Variants in CACNA2D3 observed in about 807,000 individuals in gnomAD.
The protein encoded by CACNA2D3 is voltage-dependent calcium channel subunit alpha-2/delta-3.
In CACNA2D3, 60 loss-of-function variants were observed where a neutral mutation model predicts 160.6. That is an observed-to-expected ratio of 0.37 (90% CI 0.30 to 0.46). The LOEUF (loss-of-function observed/expected upper bound fraction) is 0.46. CACNA2D3 is among the 20% of genes least tolerant of loss of function. The probability of loss-of-function intolerance (pLI) is 1.00; values close to 1 mark genes in which losing one functional copy is unlikely to be tolerated. For synonymous variants in CACNA2D3, 558 were observed against 492.9 expected (o/e 1.13, Z -1.75); for missense variants, 1,205 against 1,365.0 (o/e 0.88, Z 1.85).
intron 2 of CACNA2D3, among the ~76,000 whole-genome samples, chr3:54,234,818 A>G (rs1701843946): frequency 6.6e-6 from 1 of 152,156 alleles, no homozygotes; most frequent in African/African-American, 2.4e-5. Context: ...TGAGAACTTA[A>G]TAACACAAAG....
intron 25 of CACNA2D3, among the ~76,000 whole-genome samples, chr3:54,895,072 T>C (rs1362667698): frequency 6.6e-6 from 1 of 152,184 alleles, no homozygotes; most frequent in Non-Finnish European, 1.5e-5. Flanking sequence ...CAAGCAGCTA[T>C]GCTATGTCAG....
chr3:54,594,691 GAT>G (rs1341358174), intron 9 of CACNA2D3, among the ~76,000 whole-genome samples: 1 of 152,186 alleles, frequency 6.6e-6, no homozygotes, highest in Non-Finnish European at 1.5e-5. Context: ...TGTAAATAGA[GAT>G]AGAGATAAGA....
intron 12 of CACNA2D3, among the ~76,000 whole-genome samples, chr3:54,763,627 C>CTGTG (rs35183007): frequency 3.8e-4 from 52 of 135,452 alleles, no homozygotes; most frequent in East Asian, 1.1e-3. Context: ...TAAACATATA[C>CTGTG]TGTGTGTGTG....
At chr3:54,858,516 C>A (rs942271099) in intron 17 of CACNA2D3, among the ~76,000 whole-genome samples, 22 of 152,184 alleles carry the variant, frequency 1.4e-4, no homozygotes, top group African/African-American at 5.1e-4. Context: ...CAATAGCAGG[C>A]AGAACAGCTT....
intron 9 of CACNA2D3, among the ~76,000 whole-genome samples, chr3:54,602,497 C>CAAAA (rs1156290031): frequency 2.4e-4 from 17 of 71,164 alleles, no homozygotes; most frequent in Admixed American, 1.1e-3. Flanking sequence ...GATTCCATCT[C>CAAAA]AAAAAAAAAA....
intron 11 of CACNA2D3, among the ~76,000 whole-genome samples, chr3:54,646,244 T>C (rs1344114754): frequency 7.3e-6 from 1 of 137,556 alleles, no homozygotes; most frequent in Admixed American, 7.4e-5. Context: ...CCTTCCTTCC[T>C]TCCTCTCTCT....
chr3:54,903,443 T>C (rs1700384776), intron 27 of CACNA2D3, among the ~76,000 whole-genome samples: 1 of 152,228 alleles, frequency 6.6e-6, no homozygotes, highest in African/African-American at 2.4e-5. Context: ...ACATTTTCTT[T>C]ATCCAGTCTA....
chr3:54,354,603 C>T (rs1698617868), intron 3 of CACNA2D3, among the ~76,000 whole-genome samples: 2 of 152,242 alleles, frequency 1.3e-5, no homozygotes, highest in South Asian at 4.2e-4. Flanking sequence ...TACTTCTAAG[C>T]AAAGCCAATT....
rs115000781 is a variant in CACNA2D3 at position 54,469,029 on chromosome 3, G to T, written c.382-34463G>T. On this transcript the variant is annotated intron_variant, in intron 4 of 37. Transcript: ENST00000474759. ...GCAGACTTAAATGTTCCCGCCTGCC[G>T]GCTCTTAAGAGAACAGCCCATCTCC... Among the ~76,000 whole-genome samples the T allele has an allele frequency of 4.5e-3, 681 of 152,336 alleles. 9 individuals carry two copies. The highest frequency in any genetic ancestry group is 0.016 in the African/African-American group (648 of 41,580).
chr3:54,147,941 G>A (rs548657614), intron 2 of CACNA2D3, among the ~76,000 whole-genome samples: 1 of 152,284 alleles, frequency 6.6e-6, no homozygotes, highest in African/African-American at 2.4e-5. Context: ...CGAGGAGTTG[G>A]GACTATAGGC....
At chr3:54,669,359 C>A (rs1171821147) in intron 11 of CACNA2D3, among the ~76,000 whole-genome samples, 1 of 152,180 alleles carries the variant, frequency 6.6e-6, no homozygotes, top group East Asian at 1.9e-4. Context: ...AAAAGATGAT[C>A]TCTTTTCATG....
chr3:54,942,404 T>C (rs1229732926), intron 27 of CACNA2D3, among the ~76,000 whole-genome samples: 3 of 152,180 alleles, frequency 2.0e-5, no homozygotes, highest in African/African-American at 7.2e-5. Flanking sequence ...CACCTTCTGA[T>C]TTGGGCACAG....
intron 11 of CACNA2D3, among the ~76,000 whole-genome samples, chr3:54,692,543 T>C (rs1461268061): frequency 1.3e-5 from 2 of 152,230 alleles, no homozygotes; most frequent in East Asian, 3.9e-4. Context: ...TTCTTTTCTT[T>C]CTTTCTTTTG....
At chr3:54,550,949 T>C (rs925937664) in intron 5 of CACNA2D3, among the ~76,000 whole-genome samples, 3 of 152,204 alleles carry the variant, frequency 2.0e-5, no homozygotes, top group Non-Finnish European at 4.4e-5. Flanking sequence ...GGTGCCCTCA[T>C]GTATCCCATG....
intron 2 of CACNA2D3, among the ~76,000 whole-genome samples, chr3:54,308,822 C>A (rs1258873011): frequency 6.6e-6 from 1 of 151,968 alleles, no homozygotes; most frequent in African/African-American, 2.4e-5. Flanking sequence ...GTGGTCATTC[C>A]TTTTGATTTT....
At chr3:54,683,962 CTTT>C (rs61481695) in intron 11 of CACNA2D3, among the ~76,000 whole-genome samples, 18 of 110,814 alleles carry the variant, frequency 1.6e-4, no homozygotes, top group African/African-American at 7.3e-4. Context: ...AAATTTCCAC[CTTT>C]TTTTTTTTTT....
chr3:54,139,429 C>T (rs756561063), intron 2 of CACNA2D3, among the ~76,000 whole-genome samples: 14 of 152,378 alleles, frequency 9.2e-5, no homozygotes, highest in Non-Finnish European at 1.6e-4. Flanking sequence ...AGACTAAAGT[C>T]GCATTCATGT....
intron 4 of CACNA2D3, among the ~76,000 whole-genome samples, chr3:54,481,884 T>C (rs1232825211): frequency 1.3e-5 from 2 of 152,242 alleles, no homozygotes; most frequent in Non-Finnish European, 2.9e-5. Flanking sequence ...TATTAGTTTA[T>C]ACAGAAATTT....
chr3:55,042,919 A>G (rs1051334130), intron 35 of CACNA2D3, among the ~76,000 whole-genome samples: 6 of 152,214 alleles, frequency 3.9e-5, no homozygotes, highest in African/African-American at 1.4e-4. Flanking sequence ...CTGACTTCTT[A>G]TATCAGCATA....
Sources: gnomAD v4.1 joint callset for allele counts (sites outside exome capture counted in the v4.1 genomes callset) on GRCh38, gnomAD v4.1.1 for gene constraint, MANE v1.5 for transcripts, NCBI Gene and HGNC (gene_info 2026-07-23, HGNC 2026-07-21) for gene names.